SLC10A7: variants seen among roughly 807,000 people sequenced by gnomAD.
SLC10A7 encodes sodium/bile acid cotransporter 7.
In SLC10A7, 29 loss-of-function variants were observed where a neutral mutation model predicts 43.2. That is an observed-to-expected ratio of 0.67 (90% CI 0.50 to 0.92). SLC10A7 has a LOEUF of 0.92. Among genes scored for constraint, SLC10A7 ranks in the 40% least tolerant of loss-of-function variants. The pLI, the probability that SLC10A7 is intolerant of heterozygous loss-of-function variation, is 0.00. For synonymous variants in SLC10A7, 152 were observed against 144.8 expected (o/e 1.05, Z -0.35); for missense variants, 295 against 403.2 (o/e 0.73, Z 2.30).
intron 5 of SLC10A7, among the ~76,000 whole-genome samples, chr4:146,348,532 A>T (rs1433690606): frequency 1.3e-5 from 2 of 152,184 alleles, no homozygotes; most frequent in Non-Finnish European, 2.9e-5. Flanking sequence ...TGAAAAAATG[A>T]TTTGCTTTAA....
At chr4:146,458,359 T>C (rs1437649626) in intron 4 of SLC10A7, among the ~76,000 whole-genome samples, 1 of 151,710 alleles carries the variant, frequency 6.6e-6, no homozygotes, top group Non-Finnish European at 1.5e-5. Context: ...GCTGACATCA[T>C]ACCTAACTGT....
At chr4:146,520,463 A>C (rs1056960110) in intron 1 of SLC10A7, among the ~76,000 whole-genome samples, 2 of 152,216 alleles carry the variant, frequency 1.3e-5, no homozygotes, top group African/African-American at 4.8e-5. Context: ...TTTTAAAACA[A>C]ACAATCCTTC....
At chr4:146,386,591 C>T (rs960308651) in intron 5 of SLC10A7, among the ~76,000 whole-genome samples, 3 of 152,096 alleles carry the variant, frequency 2.0e-5, no homozygotes, top group African/African-American at 7.2e-5. Context: ...CTATTCTGGC[C>T]CTTCAAAGGT....
chr4:146,283,737 A>C (rs1159926751), intron 9 of SLC10A7, among the ~76,000 whole-genome samples: 1 of 152,148 alleles, frequency 6.6e-6, no homozygotes, highest in Non-Finnish European at 1.5e-5. Flanking sequence ...ACAAATTATC[A>C]TTTTTTGAGC....
intron 7 of SLC10A7, among the ~76,000 whole-genome samples, chr4:146,302,626 G>T (rs1300810959): frequency 6.6e-6 from 1 of 152,020 alleles, no homozygotes; most frequent in Non-Finnish European, 1.5e-5. Context: ...GAGGTGGGAG[G>T]GTAGGCAGAA....
At chr4:146,273,009 A>G (rs904252676) in intron 10 of SLC10A7, among the ~76,000 whole-genome samples, 1 of 152,066 alleles carries the variant, frequency 6.6e-6, no homozygotes, top group Admixed American at 6.6e-5. Context: ...AGGGCATGTG[A>G]GTTGATTTTT....
intron 5 of SLC10A7, among the ~76,000 whole-genome samples, chr4:146,382,250 T>A (rs1264071917): frequency 6.6e-6 from 1 of 152,324 alleles, no homozygotes; most frequent in East Asian, 1.9e-4. Context: ...CATTGTTTAA[T>A]AATTGCTTAT....
chr4:146,260,195 C>CT (rs201214980), intron 10 of SLC10A7, among the ~76,000 whole-genome samples: 1 of 102,734 alleles, frequency 9.7e-6, no homozygotes, highest in Non-Finnish European at 2.0e-5. Context: ...AATGAAGGGC[C>CT]TTTTTTTAAA....
At chr4:146,335,250 GTAAAAAAAAAAAA>G (rs1733806191) in intron 5 of SLC10A7, among the ~76,000 whole-genome samples, 1 of 70,602 alleles carries the variant, frequency 1.4e-5, no homozygotes, top group Admixed American at 2.3e-4. Context: ...CACAGATGTT[GTAAAAAAAAAAAA>G]AAAAAAAAAA....
chr4:146,386,844 C>T (rs555583528), intron 5 of SLC10A7, among the ~76,000 whole-genome samples: 4 of 152,178 alleles, frequency 2.6e-5, no homozygotes, highest in Admixed American at 2.0e-4. Flanking sequence ...TGTCTCTCTC[C>T]CTTAATAGTC....
At chr4:146,448,265 A>C (rs573206050) in intron 4 of SLC10A7, among the ~76,000 whole-genome samples, 1 of 152,074 alleles carries the variant, frequency 6.6e-6, no homozygotes, top group South Asian at 2.1e-4. Flanking sequence ...AACTTAAAAA[A>C]ATGGGGAAAA....
intron 5 of SLC10A7, among the ~76,000 whole-genome samples, chr4:146,427,942 A>C (rs1729491314): frequency 6.6e-6 from 1 of 152,108 alleles, no homozygotes. Flanking sequence ...AGGTTGAGGC[A>C]GGATAATTGC....
intron 1 of SLC10A7, among the ~76,000 whole-genome samples, chr4:146,520,354 A>G (rs1738509963): frequency 6.6e-6 from 1 of 152,254 alleles, no homozygotes; most frequent in Admixed American, 6.5e-5. Flanking sequence ...AGAAACTATT[A>G]CCATCAATCA....
chr4:146,387,160 T>C (rs1279370680), intron 5 of SLC10A7, among the ~76,000 whole-genome samples: 1 of 152,134 alleles, frequency 6.6e-6, no homozygotes, highest in Admixed American at 6.5e-5. Context: ...TTTAGACTAG[T>C]GTCCTTATAA....
chr4:146,506,387 C>T (rs1228829693), intron 3 of SLC10A7, among the ~76,000 whole-genome samples: 1 of 152,150 alleles, frequency 6.6e-6, no homozygotes, highest in East Asian at 1.9e-4. Context: ...AGAGTCAATG[C>T]AGAAATATAG....
intron 5 of SLC10A7, among the ~76,000 whole-genome samples, chr4:146,357,694 CTACCCAAGG>C (rs1292473960): frequency 6.6e-6 from 1 of 152,166 alleles, no homozygotes; most frequent in Non-Finnish European, 1.5e-5. Flanking sequence ...ACGGTTGTTT[CTACCCAAGG>C]TAAGTGAGGG....
At chr4:146,464,582 C>T (rs555438639) in intron 4 of SLC10A7, among the ~76,000 whole-genome samples, 52 of 151,878 alleles carry the variant, frequency 3.4e-4, no homozygotes, top group Non-Finnish European at 6.8e-4. Context: ...AACAGTAAGC[C>T]TTTTCCTTGA....
intron 10 of SLC10A7, among the ~76,000 whole-genome samples, chr4:146,282,917 T>C (rs1189476993): frequency 6.6e-6 from 1 of 152,188 alleles, no homozygotes; most frequent in Non-Finnish European, 1.5e-5. Context: ...CCTGCTCTAA[T>C]GTTACATTCT....
Position 146,504,533 on chromosome 4 carries a change from A to G in SLC10A7, c.321-609T>C, listed in dbSNP as rs531150629. ...GACTCCGTCTCAAAAAAAAAAAAAAAAAAAAGAAAGATAACCAAAACGGCT... is the reference window on the plus strand; with the variant it reads ...GACTCCGTCTCAAAAAAAAAAAAAAGAAAAAGAAAGATAACCAAAACGGCT... On this transcript the variant is annotated intron_variant, in intron 3 of 11. Coordinates refer to ENST00000335472, the MANE Select transcript of SLC10A7 (RefSeq NM_001029998.6). 4.5e-3 allele frequency among the ~76,000 whole-genome samples: 677 copies of G among 152,038 alleles called. 5 individuals carry two copies. The highest frequency in any genetic ancestry group is 0.016 in the African/African-American group (662 of 41,478).
Sources: allele counts gnomAD v4.1 joint callset (sites outside exome capture counted in the v4.1 genomes callset), GRCh38; gene constraint gnomAD v4.1.1; transcripts MANE v1.5; gene names NCBI Gene and HGNC (gene_info 2026-07-23, HGNC 2026-07-21).